ZNF143: variants seen among roughly 807,000 people sequenced by gnomAD.
ZNF143 encodes SPH-binding factor.
In ZNF143, 49 loss-of-function variants were observed where a neutral mutation model predicts 74.1. That is an observed-to-expected ratio of 0.66 (90% CI 0.53 to 0.84). The LOEUF (loss-of-function observed/expected upper bound fraction) is 0.84, where lower values mean the gene tolerates loss of function less well. Among genes scored for constraint, ZNF143 ranks in the 40% least tolerant of loss-of-function variants. The pLI is 0.00. For missense variants in ZNF143, 637 were observed against 793.4 expected (o/e 0.80, Z 2.37); for synonymous variants, 304 against 282.8 (o/e 1.07, Z -0.75).
At chr11:9,495,981 T>C (rs1326771535) in intron 8 of ZNF143, among the ~76,000 whole-genome samples, 9 of 152,172 alleles carry the variant, frequency 5.9e-5, no homozygotes. Context: ...TAACCTTACA[T>C]TGTGTAGTCT....
intron 12 of ZNF143, among the ~76,000 whole-genome samples, chr11:9,510,884 A>G (rs376799540): frequency 1.6e-4 from 25 of 152,186 alleles, no homozygotes; most frequent in East Asian, 1.2e-3. Context: ...TAAAGAAGTG[A>G]TGGAGGTTCC....
rs11607631 is a variant in ZNF143 at position 9,527,595 on chromosome 11, G to A, written c.1899G>A (p.Thr633=). Residue 633 remains threonine (T), a synonymous_variant, in exon 16 of 16, where the codon ACG becomes ACA. Transcript: ENST00000396602. ...RIASRIQQGE[T]PGLDD Reference sequence around the variant, plus strand: ...CGTCTAGAATCCAACAAGGAGAAACGCCAGGGTTGGATGATTAATCCTCAG... The same window carrying A: ...CGTCTAGAATCCAACAAGGAGAAACACCAGGGTTGGATGATTAATCCTCAG... The A allele has an allele frequency of 0.069, 111,432 of 1,613,578 alleles. 4,409 individuals are homozygous for A. The highest frequency in any genetic ancestry group is 0.08 in the South Asian group (7,252 of 91,056).
chr11:9,469,260 T>C (rs1343789823), intron 1 of ZNF143, among the ~76,000 whole-genome samples: 1 of 144,434 alleles, frequency 6.9e-6, no homozygotes, highest in Non-Finnish European at 1.5e-5. Context: ...ATACGGAGTT[T>C]CGCTCTTGTT....
chr11:9,486,421 T>TATATATATATA (rs1565039253), intron 7 of ZNF143, among the ~76,000 whole-genome samples: 1 of 18,552 alleles, frequency 5.4e-5, no homozygotes, highest in African/African-American at 1.4e-4. Flanking sequence ...TAATATATAT[T>TATATATATATA]ATATATATTA....
At chr11:9,476,302 G>A (rs531351624) in intron 5 of ZNF143, among the ~76,000 whole-genome samples, 1 of 152,174 alleles carries the variant, frequency 6.6e-6, no homozygotes, top group Non-Finnish European at 1.5e-5. Context: ...TTAGAACCGT[G>A]CTTGTCTCAT....
chr11:9,527,691 G>A lies in ZNF143; in HGVS notation c.*78G>A. 3 of 1,396,314 alleles carry A rather than the reference G, an allele frequency of 2.1e-6. No homozygotes were observed. The highest frequency in any genetic ancestry group is 2.0e-6 in the Non-Finnish European group (2 of 996,920). The allele number at this position is 1,396,314 out of a possible 1,614,324, so 86.5% of individuals were successfully genotyped here. ...CAGAAATCCATGAAGCCCGGGCCCAGGAAAATTAGAAGTTTTCCATTCCTG... is the reference window on the plus strand; with the variant it reads ...CAGAAATCCATGAAGCCCGGGCCCAAGAAAATTAGAAGTTTTCCATTCCTG... On this transcript the variant is annotated 3_prime_UTR_variant, in exon 16 of 16. Coordinates refer to ENST00000396602, the MANE Select transcript of ZNF143 (RefSeq NM_003442.6).
chr11:9,497,231 A>AT (rs887981038), intron 9 of ZNF143, among the ~76,000 whole-genome samples: 1 of 152,088 alleles, frequency 6.6e-6, no homozygotes, highest in African/African-American at 2.4e-5. Flanking sequence ...ACTTTTGTAC[A>AT]TTTTTTTGTT....
At chr11:9,526,585 ATTT>A (rs35509156) in intron 15 of ZNF143, among the ~76,000 whole-genome samples, 1 of 147,464 alleles carries the variant, frequency 6.8e-6, no homozygotes, top group South Asian at 2.1e-4. Flanking sequence ...GCATGTATGA[ATTT>A]TTTTTTTTTT....
intron 14 of ZNF143, among the ~76,000 whole-genome samples, chr11:9,523,370 C>A (rs2134264105): frequency 6.6e-6 from 1 of 152,266 alleles, no homozygotes; most frequent in African/African-American, 2.4e-5. Flanking sequence ...GTTTCTCAGC[C>A]TTCTAGATGC....
intron 7 of ZNF143, among the ~76,000 whole-genome samples, chr11:9,480,624 G>A (rs1480443320): frequency 6.6e-6 from 1 of 152,112 alleles, no homozygotes; most frequent in Non-Finnish European, 1.5e-5. Flanking sequence ...GGTGGCTCAT[G>A]CCTGTAATCC....
chr11:9,468,325 A>G (rs1347550349), intron 1 of ZNF143, among the ~76,000 whole-genome samples: 1 of 152,196 alleles, frequency 6.6e-6, no homozygotes, highest in Non-Finnish European at 1.5e-5. Context: ...TCATTTCTAA[A>G]TTCTTGTCTC....
At chr11:9,516,680 CA>C (rs1848735823) in intron 14 of ZNF143, among the ~76,000 whole-genome samples, 1 of 152,112 alleles carries the variant, frequency 6.6e-6, no homozygotes, top group Non-Finnish European at 1.5e-5. Context: ...GAAATACTTG[CA>C]AAACTTACTA....
At chr11:9,497,899 T>C (rs1282044187) in intron 10 of ZNF143, 99 bp downstream of exon 10, 11 of 930,778 alleles carry the variant, frequency 1.2e-5, no homozygotes, top group East Asian at 3.7e-5. Context: ...GGTGCAATCT[T>C]GGCTCACTGC....
intron 5 of ZNF143, among the ~76,000 whole-genome samples, chr11:9,475,103 C>G (rs892682623): frequency 9.9e-5 from 15 of 152,280 alleles, no homozygotes; most frequent in African/African-American, 3.6e-4. Context: ...CCAGGCTAAT[C>G]TCAAACTCCT....
chr11:9,475,845 T>G (rs957810857), intron 5 of ZNF143, among the ~76,000 whole-genome samples: 4 of 151,320 alleles, frequency 2.6e-5, no homozygotes, highest in African/African-American at 7.3e-5. Context: ...TGCAGTGTAG[T>G]TGAGATCGTG....
intron 7 of ZNF143, among the ~76,000 whole-genome samples, chr11:9,486,673 GT>G (rs1254143095): frequency 2.1e-5 from 3 of 144,270 alleles, no homozygotes; most frequent in African/African-American, 5.3e-5. Flanking sequence ...GTTTTGTTTT[GT>G]TTTTTTTTCC....
chr11:9,493,998 T>TA (rs1255466205), intron 7 of ZNF143, among the ~76,000 whole-genome samples: 1 of 152,106 alleles, frequency 6.6e-6, no homozygotes, highest in Non-Finnish European at 1.5e-5. Context: ...ACACAGGTTC[T>TA]AAAAAAAGGC....
At chr11:9,497,292 G>A (rs1351225947) in intron 9 of ZNF143, among the ~76,000 whole-genome samples, 1 of 152,126 alleles carries the variant, frequency 6.6e-6, no homozygotes, top group Non-Finnish European at 1.5e-5. Context: ...GTGCAGTGAC[G>A]TGATCTCGGC....
Position 9,509,513 on chromosome 11 carries a change from G to A in ZNF143, c.1375+667G>A, listed in dbSNP as rs545498614. Among the ~76,000 whole-genome samples the A allele has an allele frequency of 1.6e-4, 24 of 152,162 alleles. 1 individual carries two copies. The South Asian group carries it at 4.6e-3, about 29-fold the overall frequency. On this transcript the variant is annotated intron_variant, in intron 12 of 15. Transcript: ENST00000396602. The stretch of plus-strand genomic sequence containing the variant: ...ATAGGTAAGTAGGTAAAAGGAAGTC[G>A]GTTTTTCTAAAACACAAAACAAAGC...
Sources: allele counts gnomAD v4.1 joint callset (sites outside exome capture counted in the v4.1 genomes callset), GRCh38; gene constraint gnomAD v4.1.1; transcripts MANE v1.5; gene names NCBI Gene and HGNC (gene_info 2026-07-23, HGNC 2026-07-21).